Variants in CPNE4 observed in about 807,000 individuals in gnomAD.
CPNE4 encodes the protein copine-4.
In CPNE4, 25 loss-of-function variants were observed where a neutral mutation model predicts 67.9. The ratio of observed to expected loss-of-function variants is 0.37; its 90% CI spans 0.27 to 0.51. The LOEUF is 0.51. Among genes scored for constraint, CPNE4 ranks in the 20% least tolerant of loss-of-function variants. The pLI is 0.93. For missense variants in CPNE4, 464 were observed against 690.8 expected (o/e 0.67, Z 3.68); for synonymous variants, 242 against 244.9 (o/e 0.99, Z 0.11).
chr3:131,987,387 ATTTTTT>A (rs552601179), intron 1 of CPNE4, among the ~76,000 whole-genome samples: 3 of 143,652 alleles, frequency 2.1e-5, no homozygotes, highest in Non-Finnish European at 3.1e-5. Flanking sequence ...AGTTGTACAG[ATTTTTT>A]TTTTTTTTTT....
intron 2 of CPNE4, among the ~76,000 whole-genome samples, chr3:131,848,829 G>GA (rs1304745151): frequency 2.6e-5 from 4 of 151,604 alleles, no homozygotes; most frequent in African/African-American, 7.3e-5. Context: ...CAGGTGTTCT[G>GA]AAAAATCTAC....
intron 6 of CPNE4, among the ~76,000 whole-genome samples, chr3:131,670,518 A>G (rs906140304): frequency 6.6e-6 from 1 of 152,190 alleles, no homozygotes; most frequent in Non-Finnish European, 1.5e-5. Context: ...TTCAGAATGT[A>G]TGAGTAGCTG....
chr3:131,898,606 A>G (rs1280329637), intron 2 of CPNE4, among the ~76,000 whole-genome samples: 1 of 152,084 alleles, frequency 6.6e-6, no homozygotes, highest in Admixed American at 6.6e-5. Flanking sequence ...GATTTTACTT[A>G]TAAGGAATCC....
At chr3:131,874,865 G>A (rs1462539008) in intron 2 of CPNE4, among the ~76,000 whole-genome samples, 1 of 152,118 alleles carries the variant, frequency 6.6e-6, no homozygotes, top group African/African-American at 2.4e-5. Context: ...AAAATCACGT[G>A]TATATAATTG....
At chr3:131,644,461 C>T (rs2107799713) in intron 7 of CPNE4, among the ~76,000 whole-genome samples, 1 of 152,286 alleles carries the variant, frequency 6.6e-6, no homozygotes, top group South Asian at 2.1e-4. Flanking sequence ...ATTTACATTT[C>T]TAACAAGTTC....
rs1377202043 is a variant in CPNE4, at chr3:131,650,324, G to A, written c.681+19351C>T. Among the ~76,000 whole-genome samples the A allele has an allele frequency of 2.0e-5, 3 of 152,090 alleles. No homozygotes were observed. The East Asian group carries it at 5.8e-4, about 29-fold the overall frequency. On this transcript the variant is annotated intron_variant, in intron 7 of 15. Coordinates refer to ENST00000429747, the MANE Select transcript of CPNE4 (RefSeq NM_130808.3). Reference sequence around the variant, plus strand: ...TACAGATCCTGCCCACGCTCAAGGAGAGGGAATTACACAAAAACATGACTA... The same window carrying A: ...TACAGATCCTGCCCACGCTCAAGGAAAGGGAATTACACAAAAACATGACTA...
intron 10 of CPNE4, among the ~76,000 whole-genome samples, chr3:131,574,388 T>C (rs1937489540): frequency 6.6e-6 from 1 of 152,126 alleles, no homozygotes; most frequent in African/African-American, 2.4e-5. Context: ...CCAGTGCAGA[T>C]GGACTTACAA....
intron 12 of CPNE4, among the ~76,000 whole-genome samples, 156 bp from the exon 13 acceptor site, chr3:131,552,647 T>C (rs1334817642): frequency 6.6e-6 from 1 of 152,096 alleles, no homozygotes; most frequent in Non-Finnish European, 1.5e-5. Context: ...ACACAATCAA[T>C]ATGAGATGGA....
chr3:131,879,066 T>C (rs9289406), intron 2 of CPNE4, among the ~76,000 whole-genome samples: 96,428 of 152,136 alleles, frequency 0.63, 30,792 homozygotes, highest in Admixed American at 0.72. Flanking sequence ...TTTCATTTGG[T>C]AAGCCTACTA....
intron 2 of CPNE4, among the ~76,000 whole-genome samples, chr3:131,803,706 C>G (rs1467878260): frequency 6.6e-6 from 1 of 152,202 alleles, no homozygotes. Flanking sequence ...CTGAGGAGAA[C>G]ATGCTGTGCT....
At chr3:131,989,072 G>T (rs1304735788) in intron 1 of CPNE4, among the ~76,000 whole-genome samples, 1 of 152,102 alleles carries the variant, frequency 6.6e-6, no homozygotes, top group Non-Finnish European at 1.5e-5. Context: ...TGCCATTGCT[G>T]ATTTTACTTC....
chr3:131,908,664 T>C (rs909630706), intron 1 of CPNE4, among the ~76,000 whole-genome samples: 5 of 152,150 alleles, frequency 3.3e-5, no homozygotes, highest in African/African-American at 1.2e-4. Context: ...ACATATTGTA[T>C]TTTTACATAC....
intron 3 of CPNE4, 136 bp downstream of exon 3, chr3:131,723,310 G>A (rs554704270): frequency 2.7e-6 from 2 of 738,930 alleles, no homozygotes; most frequent in African/African-American, 3.5e-5. Flanking sequence ...CACCTGGGAA[G>A]TTGTAAAATG....
At chr3:131,727,298 A>C (rs897437926) in intron 2 of CPNE4, among the ~76,000 whole-genome samples, 2 of 152,074 alleles carry the variant, frequency 1.3e-5, no homozygotes, top group African/African-American at 2.4e-5. Context: ...AAGCTTTTAA[A>C]AATATCTAAA....
chr3:131,912,766 G>A (rs948757230), intron 1 of CPNE4, among the ~76,000 whole-genome samples: 2 of 152,092 alleles, frequency 1.3e-5, no homozygotes, highest in Non-Finnish European at 2.9e-5. Context: ...TCATACTCTG[G>A]AGCAGTGCAT....
At chr3:131,845,450 T>C (rs2085959597) in intron 2 of CPNE4, among the ~76,000 whole-genome samples, 2 of 152,246 alleles carry the variant, frequency 1.3e-5, no homozygotes. Context: ...TATGCAGTTC[T>C]GCCTTCCAGA....
chr3:131,951,948 C>G (rs950503511), intron 1 of CPNE4, among the ~76,000 whole-genome samples: 15 of 152,286 alleles, frequency 9.8e-5, no homozygotes, highest in African/African-American at 3.4e-4. Flanking sequence ...CTTGGCCTCC[C>G]AAAGTGCCAA....
chr3:131,707,005 A>C (rs1396378411), intron 3 of CPNE4, among the ~76,000 whole-genome samples: 5 of 152,192 alleles, frequency 3.3e-5, no homozygotes, highest in Non-Finnish European at 2.9e-5. Flanking sequence ...CCTTGGGCTC[A>C]TGTTCTCAGG....
intron 1 of CPNE4, among the ~76,000 whole-genome samples, chr3:131,923,704 C>CA (rs3041574): frequency 0.083 from 3,228 of 38,798 alleles, 235 homozygotes; most frequent in African/African-American, 0.2. Flanking sequence ...GACTCCGTCT[C>CA]AAAAAAAAAA....
Sources: allele counts gnomAD v4.1 joint callset (sites outside exome capture counted in the v4.1 genomes callset), GRCh38; gene constraint gnomAD v4.1.1; transcripts MANE v1.5; gene names NCBI Gene and HGNC (gene_info 2026-07-23, HGNC 2026-07-21).